ARHGEF7: variants seen among roughly 807,000 people sequenced by gnomAD.
ARHGEF7 encodes the protein PAK-interacting exchange factor beta.
A neutral mutation model predicts 109.8 loss-of-function variants in ARHGEF7; 33 were observed. The ratio of observed to expected loss-of-function variants is 0.30; its 90% CI spans 0.23 to 0.40. The LOEUF (loss-of-function observed/expected upper bound fraction) is 0.40. Among genes scored for constraint, ARHGEF7 ranks in the 10% least tolerant of loss-of-function variants. The pLI, the probability that ARHGEF7 is intolerant of heterozygous loss-of-function variation, is 1.00. For missense variants in ARHGEF7, 938 were observed against 1,098.5 expected (o/e 0.85, Z 2.07); for synonymous variants, 458 against 424.6 (o/e 1.08, Z -0.97).
chr13:111,281,554 G>A (rs899255312), intron 15 of ARHGEF7, among the ~76,000 whole-genome samples: 2 of 152,184 alleles, frequency 1.3e-5, no homozygotes, highest in Non-Finnish European at 2.9e-5. Flanking sequence ...AGTAAAGATT[G>A]TAACTACTCA....
chr13:111,125,586 C>A (rs1370030670), intron 1 of ARHGEF7, among the ~76,000 whole-genome samples: 3 of 152,210 alleles, frequency 2.0e-5, no homozygotes, highest in African/African-American at 7.2e-5. Flanking sequence ...CTTGTTCTGA[C>A]AGTGTGATCT....
At chr13:111,187,004 G>A in intron 2 of ARHGEF7, 1 of 985,830 alleles carries the variant, frequency 1.0e-6, no homozygotes, top group Non-Finnish European at 1.2e-6. Flanking sequence ...AGTACTGACG[G>A]GGTTGATTAA....
chr13:111,219,809 A>G (rs1361831058), intron 5 of ARHGEF7, among the ~76,000 whole-genome samples: 1 of 152,176 alleles, frequency 6.6e-6, no homozygotes, highest in African/African-American at 2.4e-5. Context: ...GTTAATGTAT[A>G]AAGTACTTTC....
intron 2 of ARHGEF7, among the ~76,000 whole-genome samples, chr13:111,204,216 G>A (rs2081505342): frequency 2.0e-5 from 3 of 152,192 alleles, no homozygotes; most frequent in African/African-American, 7.2e-5. Flanking sequence ...GTCTGCTAGA[G>A]GTGTGGGGAG....
chr13:111,244,711 A>G (rs1039717180), intron 8 of ARHGEF7, among the ~76,000 whole-genome samples: 9 of 152,244 alleles, frequency 5.9e-5, no homozygotes, highest in African/African-American at 1.7e-4. Flanking sequence ...AGAAGCAGAT[A>G]CAGTGCTTCT....
intron 1 of ARHGEF7, among the ~76,000 whole-genome samples, chr13:111,123,143 G>A (rs1427264181): frequency 1.3e-5 from 2 of 152,162 alleles, no homozygotes; most frequent in Admixed American, 6.5e-5. Context: ...GACTTGTTTT[G>A]GCCAATGGAC....
At chr13:111,115,110 C>T (rs1212185624), upstream of ARHGEF7, 2 of 149,910 alleles carry the variant, frequency 1.3e-5, no homozygotes, top group Non-Finnish European at 3.0e-5. Context: ...CCATCCGCTC[C>T]CCGCTCCCCT....
At chr13:111,129,858 G>T (rs1404554897) in intron 1 of ARHGEF7, among the ~76,000 whole-genome samples, 2 of 152,206 alleles carry the variant, frequency 1.3e-5, no homozygotes, top group Non-Finnish European at 2.9e-5. Flanking sequence ...AAATGTTTCA[G>T]CTATTCTACT....
At chr13:111,280,135 AC>A in intron 13 of ARHGEF7, 136 bp from the exon 14 acceptor site, 1 of 837,582 alleles carries the variant, frequency 1.2e-6, no homozygotes, top group Non-Finnish European at 1.9e-6. Context: ...CACATCTGCT[AC>A]AAATGAGCTT....
At chr13:111,277,951 T>C (rs1200165168) in intron 13 of ARHGEF7, among the ~76,000 whole-genome samples, 1 of 152,246 alleles carries the variant, frequency 6.6e-6, no homozygotes, top group Non-Finnish European at 1.5e-5. Context: ...CATTGCCTTC[T>C]GTCGTTTCAT....
At chr13:111,301,429 C>T (rs2153636989) in intron 20 of ARHGEF7, 49 bp from the exon 21 acceptor site, 1 of 1,551,314 alleles carries the variant, frequency 6.4e-7, no homozygotes, top group East Asian at 2.2e-5. Flanking sequence ...CGTGTGTCCT[C>T]TCCATGCCTC....
chr13:111,166,428 C>G (rs2077133525), intron 2 of ARHGEF7, among the ~76,000 whole-genome samples: 1 of 152,148 alleles, frequency 6.6e-6, no homozygotes, highest in African/African-American at 2.4e-5. Context: ...ATCATTTTGG[C>G]TGTGTTTTGA....
Position 111,205,254 on chromosome 13 carries a change from T to A in ARHGEF7, c.253-35T>A. The A allele has an allele frequency of 2.6e-6, 4 of 1,539,760 alleles. No homozygotes were observed. The South Asian group carries it at 4.7e-5, about 18-fold the overall frequency. On this transcript the variant is annotated intron_variant, in intron 2 of 21. Coordinates refer to ENST00000646102, the MANE Select transcript of ARHGEF7 (RefSeq NM_001354046.2). Reference sequence around the variant, plus strand: ...GTTCATCCTGCACCCAACATAAGACTCTACTAATTTTGCTTGTTTAATTTT... The same window carrying A: ...GTTCATCCTGCACCCAACATAAGACACTACTAATTTTGCTTGTTTAATTTT...
chr13:111,145,055 A>C lies in ARHGEF7; in HGVS notation c.166-8850A>C, dbSNP rs534705108. Among the ~76,000 whole-genome samples, 3 of 152,170 alleles carry C rather than the reference A, an allele frequency of 2.0e-5. No individual in the cohort carries two copies. The highest frequency in any genetic ancestry group is 2.0e-4 in the Admixed American group (3 of 15,296). ...TTGCTTTTTTTTTTTAAAAACACAA[A>C]AGGTAGATATTATCCACGGTGTTCC... On this transcript the variant is annotated intron_variant, in intron 1 of 21. Coordinates refer to ENST00000646102, the MANE Select transcript of ARHGEF7 (RefSeq NM_001354046.2). The surrounding 1 kb of genome is among the most constrained non-coding windows in gnomAD (Gnocchi z 4.3).
rs190187030 is a variant in ARHGEF7, at chr13:111,207,474, A to T, written c.337+2101A>T. On this transcript the variant is annotated intron_variant, in intron 3 of 21. Transcript: ENST00000646102. Reference sequence around the variant, plus strand: ...TATGCCACCATGCCTGTCCTAAATGATGTGCCTTATAATTAACGTAGATCT... The same window carrying T: ...TATGCCACCATGCCTGTCCTAAATGTTGTGCCTTATAATTAACGTAGATCT... Among the ~76,000 whole-genome samples the T allele has an allele frequency of 1.6e-4, 25 of 152,324 alleles. No individual in the cohort carries two copies. In the East Asian group the frequency reaches 3.7e-3, roughly 22 times the overall value.
intron 1 of ARHGEF7, among the ~76,000 whole-genome samples, chr13:111,144,993 C>T (rs1212367087): frequency 1.3e-5 from 2 of 151,958 alleles, no homozygotes; most frequent in Non-Finnish European, 2.9e-5. Flanking sequence ...GCAGAGACAG[C>T]TCCATGCATT....
chr13:111,222,531 G>A (rs560331708), intron 5 of ARHGEF7, among the ~76,000 whole-genome samples: 98 of 152,306 alleles, frequency 6.4e-4, no homozygotes, highest in Non-Finnish European at 1.0e-3. Context: ...CTGGGTTCAA[G>A]CGATTCTCCT....
intron 2 of ARHGEF7, among the ~76,000 whole-genome samples, chr13:111,183,050 C>T (rs1007810406): frequency 1.2e-4 from 18 of 152,272 alleles, no homozygotes; most frequent in African/African-American, 3.9e-4. Flanking sequence ...TTCAACTTCA[C>T]GATGTTTTTC....
At chr13:111,171,581 T>G (rs2077598237) in intron 2 of ARHGEF7, among the ~76,000 whole-genome samples, 1 of 152,250 alleles carries the variant, frequency 6.6e-6, no homozygotes, top group Non-Finnish European at 1.5e-5. Flanking sequence ...TGTGTTCAAT[T>G]TGCATGAGCA....
Sources: allele counts gnomAD v4.1 joint callset (sites outside exome capture counted in the v4.1 genomes callset), GRCh38; gene constraint gnomAD v4.1.1; non-coding constraint Gnocchi (gnomAD v3.1); transcripts MANE v1.5; gene names NCBI Gene and HGNC (gene_info 2026-07-23, HGNC 2026-07-21).